Variants in CDK12 observed in about 807,000 individuals in gnomAD.
CDK12 encodes cyclin-dependent kinase 12.
CDK12 carries 17 observed loss-of-function variants against 133.8 expected under a neutral mutation model. The observed-to-expected ratio is 0.13, with a 90% CI of 0.09 to 0.19. CDK12 has a LOEUF of 0.19. Among genes scored for constraint, CDK12 ranks in the 10% least tolerant of loss-of-function variants. The pLI, the probability that CDK12 is intolerant of heterozygous loss-of-function variation, is 1.00. For synonymous variants in CDK12, 694 were observed against 683.6 expected (o/e 1.02, Z -0.24); for missense variants, 1,508 against 1,818.7 (o/e 0.83, Z 3.11).
upstream of CDK12, among the ~76,000 whole-genome samples, chr17:39,544,961 G>A (rs1208824946): frequency 2.6e-5 from 4 of 152,116 alleles, no homozygotes; most frequent in Non-Finnish European, 5.9e-5. Context: ...TTCTTATTCC[G>A]AAAGATCTCC....
chr17:39,547,129 A>ATTTTTTT (rs34569985), upstream of CDK12, among the ~76,000 whole-genome samples: 9 of 90,614 alleles, frequency 9.9e-5, no homozygotes, highest in African/African-American at 1.3e-4. Context: ...GAGTACTAGG[A>ATTTTTTT]TTTTTTTTTT....
At chr17:39,469,300 ATCTT>A (rs1194144632) in intron 1 of CDK12, among the ~76,000 whole-genome samples, 2 of 152,210 alleles carry the variant, frequency 1.3e-5, no homozygotes, top group African/African-American at 2.4e-5. Context: ...ATGCAATAAT[ATCTT>A]TAGGAGTTTC....
intron 1 of CDK12, among the ~76,000 whole-genome samples, chr17:39,467,935 C>T (rs1376665555): frequency 2.0e-5 from 3 of 151,840 alleles, no homozygotes; most frequent in East Asian, 1.9e-4. Context: ...TCTCTGTCAC[C>T]CAGGCTGGAG....
chr17:39,471,915 CTTGGGA>C, intron 2 of CDK12, 152 bp downstream of exon 2: 3 of 699,254 alleles, frequency 4.3e-6, no homozygotes, highest in Non-Finnish European at 6.9e-6. Flanking sequence ...GACATTATTA[CTTGGGA>C]AGAGAGAATT....
chr17:39,462,418 A>G lies in CDK12; in HGVS notation c.347A>G (p.His116Arg), dbSNP rs200703770. 398 of 1,614,034 alleles carry G rather than the reference A, an allele frequency of 2.5e-4. No individual in the cohort carries two copies. The highest frequency in any genetic ancestry group is 3.2e-4 in the Non-Finnish European group (374 of 1,180,038). Residue 116 changes from histidine to arginine, a missense_variant, in exon 1 of 14, where the codon CAC becomes CGC. Around this residue, in one of 9 missense-constraint regions of CDK12, gnomAD observed 460 missense variants for 490.8 expected, o/e 0.94. Transcript: ENST00000447079. Reference protein sequence around the residue: ...DRLHKHRHHQHRRSRDLLKAK... With the variant: ...DRLHKHRHHQRRRSRDLLKAK... ...CTGCACAAACATCGTCACCACCAGC[A>G]CAGGCGTTCCCGGGACTTACTAAAA...
At chr17:39,464,325 A>G (rs1357606216) in intron 1 of CDK12, among the ~76,000 whole-genome samples, 3 of 151,892 alleles carry the variant, frequency 2.0e-5, no homozygotes, top group African/African-American at 4.8e-5. Context: ...GGCTCAAGCA[A>G]TCCGTCCACC....
At chr17:39,479,924 CT>C (rs67125473) in intron 2 of CDK12, among the ~76,000 whole-genome samples, 46,897 of 140,540 alleles carry the variant, frequency 0.33, 10,254 homozygotes, top group African/African-American at 0.64. Context: ...ACTGCACTGG[CT>C]TTTTTTTTTT....
chr17:39,481,625 GCTCGCGCGCTCTCTCTCT>G (rs2050659418), intron 2 of CDK12, among the ~76,000 whole-genome samples: 1 of 100,612 alleles, frequency 9.9e-6, no homozygotes, highest in African/African-American at 3.7e-5. Flanking sequence ...GTGCTTGCTC[GCTCGCGCGCTCTCTCTCT>G]CTCTCTCTCT....
Position 39,482,909 on chromosome 17 carries a change from A to AT in CDK12, c.1932-7627dup, listed in dbSNP as rs56026321. ...GAGCCACTATGCCTGCCTCAACTAA[A>AT]TTTTTTTTTTTTTTTTTTTTTGAAA... is the stretch of plus-strand genomic sequence containing the variant. On this transcript the variant is annotated intron_variant, in intron 2 of 13. Coordinates refer to ENST00000447079, the MANE Select transcript of CDK12 (RefSeq NM_016507.4). 3.8e-3 allele frequency among the ~76,000 whole-genome samples: 533 copies of AT among 138,934 alleles called. 5 individuals are homozygous for AT. Among genetic ancestry groups the AT allele is most frequent in the African/African-American group, 0.013 (481 of 36,482 alleles). The allele number at this position is 138,934 out of a possible 152,430, so 91.1% of individuals were successfully genotyped here.
At chr17:39,482,989 T>G (rs972797133) in intron 2 of CDK12, among the ~76,000 whole-genome samples, 2 of 150,630 alleles carry the variant, frequency 1.3e-5, no homozygotes, top group Non-Finnish European at 2.9e-5. Context: ...CTCGGCTCAC[T>G]GCAACCTTCG....
Position 39,525,874 on chromosome 17 carries a change from C to T in CDK12, c.3318C>T (p.Asp1106=), listed in dbSNP as rs148645937. The T allele has an allele frequency of 1.5e-5, 25 of 1,613,392 alleles. No individual in the cohort carries two copies. The Middle Eastern group carries it at 4.9e-4, about 32-fold the overall frequency. Reference sequence around the variant, plus strand: ...ACTGTCTTTCAACAGGCCTTGCTGACATCACACAACAGCTGAATCAAAGTG... The same window carrying T: ...ACTGTCTTTCAACAGGCCTTGCTGATATCACACAACAGCTGAATCAAAGTG... ...SGAGDAIGLA[D]ITQQLNQSEL... is the part of the protein sequence containing the mutation. Residue 1106 remains aspartate, a synonymous_variant, in exon 13 of 14, where the codon GAC becomes GAT. Transcript: ENST00000447079.
chr17:39,492,923 A>G, intron 4 of CDK12, 33 bp downstream of exon 4: 1 of 1,563,806 alleles, frequency 6.4e-7, no homozygotes, highest in Non-Finnish European at 8.7e-7. Flanking sequence ...AGATGTCAGA[A>G]TGTTAACAAT....
intron 11 of CDK12, among the ~76,000 whole-genome samples, chr17:39,521,210 C>T (rs1053086684): frequency 3.3e-5 from 5 of 151,896 alleles, no homozygotes; most frequent in Non-Finnish European, 5.9e-5. Flanking sequence ...TGAACTCCTG[C>T]CCATCTTGGC....
chr17:39,466,474 C>T (rs1455213395), intron 1 of CDK12, among the ~76,000 whole-genome samples: 2 of 150,766 alleles, frequency 1.3e-5, no homozygotes, highest in Non-Finnish European at 3.0e-5. Flanking sequence ...ATTAGCTGGG[C>T]GTGGTGTCAC....
At chr17:39,524,540 T>A in intron 11 of CDK12, 134 bp from the exon 12 acceptor site, 1 of 713,948 alleles carries the variant, frequency 1.4e-6, no homozygotes, top group Non-Finnish European at 2.3e-6. Flanking sequence ...TTTACTAACT[T>A]TTTTGGTTAT....
Position 39,511,214 on chromosome 17 carries a change from C to CA in CDK12, c.2667-291dup, listed in dbSNP as rs59984042. Among the ~76,000 whole-genome samples the CA allele has an allele frequency of 7.8e-3, 581 of 74,636 alleles. 8 individuals carry two copies. The highest frequency in any genetic ancestry group is 0.021 in the African/African-American group (414 of 19,284). 49.0% of individuals were successfully genotyped at this position (74,636 alleles called of 152,430 possible). On this transcript the variant is annotated intron_variant, in intron 7 of 13. Coordinates refer to ENST00000447079, the MANE Select transcript of CDK12 (RefSeq NM_016507.4). ...TGAGGGACAGAGCAAGACACCGTCT[C>CA]AAAAAAAAAAAAAAAAAAAAAAAAT...
upstream of CDK12, chr17:39,546,608 C>T (rs2055721936): frequency 6.6e-6 from 1 of 152,240 alleles, no homozygotes; most frequent in African/African-American, 2.4e-5. Flanking sequence ...TTCTTCACTT[C>T]CTTTCCAGGT....
upstream of CDK12, chr17:39,547,630 T>A (rs2055777300): frequency 6.6e-6 from 1 of 152,278 alleles, no homozygotes; most frequent in African/African-American, 2.4e-5. Flanking sequence ...CAGAATCAAC[T>A]ACTAGGTGTT....
At chr17:39,489,190 C>T (rs1183091908) in intron 2 of CDK12, among the ~76,000 whole-genome samples, 2 of 151,502 alleles carry the variant, frequency 1.3e-5, no homozygotes, top group Non-Finnish European at 2.9e-5. Flanking sequence ...AAGCAGTTCT[C>T]CTGCCTCAGC....
Sources: gnomAD v4.1 joint callset for allele counts (sites outside exome capture counted in the v4.1 genomes callset) on GRCh38, gnomAD v4.1.1 for gene constraint, gnomAD v4.1.1 regional missense constraint, MANE v1.5 for transcripts, NCBI Gene and HGNC (gene_info 2026-07-23, HGNC 2026-07-21) for gene names.